STAG1: variants seen among roughly 807,000 people sequenced by gnomAD.
STAG1 encodes cohesin subunit SA-1.
In STAG1, 26 loss-of-function variants were observed where a neutral mutation model predicts 170.9. That is an observed-to-expected ratio of 0.15 (90% confidence interval 0.11 to 0.21). The LOEUF is 0.21. STAG1 is among the 10% of genes least tolerant of loss of function. The pLI, the probability that STAG1 is intolerant of heterozygous loss-of-function variation, is 1.00. For synonymous variants in STAG1, 514 were observed against 497.7 expected, an observed-to-expected ratio of 1.03 and a Z score of -0.44; for missense variants, 964 against 1,509.5, an observed-to-expected ratio of 0.64 and a Z score of 5.99.
Position 136,377,678 on chromosome 3 carries a change from A to G in STAG1, c.2352T>C (p.Asn784=). 6.2e-7 allele frequency: 1 copy of G among 1,613,870 alleles called. No individual in the cohort carries two copies. Among genetic ancestry groups the G allele is most frequent in the Non-Finnish European group, 8.5e-7 (1 of 1,179,882 alleles). Residue 784 remains asparagine, a synonymous_variant, in exon 23 of 34, where the codon AAT becomes AAC. Transcript: ENST00000383202. ...TTCTTACCTGTTCTTTCACTGGAGTATTAACATTAGACAGGCACTGCTGGC... is the reference window on the plus strand; with the variant it reads ...TTCTTACCTGTTCTTTCACTGGAGTGTTAACATTAGACAGGCACTGCTGGC... ...AVCQQCLSNV[N]TPVKEQAFML... is the part of the protein sequence containing the mutation.
chr3:136,526,375 T>G (rs1440253634), intron 6 of STAG1, among the ~76,000 whole-genome samples: 3 of 152,186 alleles, frequency 2.0e-5, no homozygotes, highest in Non-Finnish European at 4.4e-5. Context: ...CTTTCTATCT[T>G]TGTTGGTTTA....
rs542633809 is a variant in STAG1 at position 136,527,280 on chromosome 3, CTTTG to C, written c.472-5867_472-5864del. ...ACCATAGTCCCATATTTCTTGGAGG[CTTTG>C]TTTGTTTCTTTTTACTCTTTTTTCT... On this transcript the variant is annotated intron_variant, in intron 6 of 33. Coordinates refer to ENST00000383202, the MANE Select transcript of STAG1 (RefSeq NM_005862.3). Among the ~76,000 whole-genome samples, 63 of 152,304 alleles carry C rather than the reference CTTTG, an allele frequency of 4.1e-4. 1 individual carries two copies. The highest frequency in any genetic ancestry group is 3.1e-3 in the South Asian group (15 of 4,832).
intron 13 of STAG1, among the ~76,000 whole-genome samples, chr3:136,462,258 C>G (rs1000796954): frequency 6.6e-6 from 1 of 152,158 alleles, no homozygotes; most frequent in African/African-American, 2.4e-5. Context: ...TTTACTACAG[C>G]ACTATTCATA....
chr3:136,747,093 T>TAAAAAAAAAAAAAA (rs71134408), intron 1 of STAG1, among the ~76,000 whole-genome samples: 6 of 59,324 alleles, frequency 1.0e-4, no homozygotes, highest in Admixed American at 2.3e-4. Context: ...TGAAACTGTC[T>TAAAAAAAAAAAAAA]AAAAAAAAAA....
At chr3:136,364,429 G>C (rs189232634) in intron 25 of STAG1, among the ~76,000 whole-genome samples, 76 of 151,860 alleles carry the variant, frequency 5.0e-4, no homozygotes, top group African/African-American at 1.8e-3. Context: ...AAAGGTGACA[G>C]ATCAAGAAAT....
chr3:136,703,823 A>G (rs1943146606), intron 1 of STAG1, among the ~76,000 whole-genome samples: 1 of 151,944 alleles, frequency 6.6e-6, no homozygotes, highest in Non-Finnish European at 1.5e-5. Context: ...CAGCCTGGCC[A>G]ACATGGTGAA....
chr3:136,467,292 CAA>C (rs2089492044), intron 12 of STAG1, among the ~76,000 whole-genome samples: 1 of 151,700 alleles, frequency 6.6e-6, no homozygotes, highest in African/African-American at 2.4e-5. Flanking sequence ...CACATAGGCG[CAA>C]AATAAAGGGA....
intron 22 of STAG1, among the ~76,000 whole-genome samples, chr3:136,387,777 G>A (rs1017903547): frequency 3.3e-5 from 5 of 152,148 alleles, no homozygotes; most frequent in Admixed American, 3.3e-4. Context: ...TGCCTCAAAG[G>A]CTAATCCACT....
Position 136,628,522 on chromosome 3 carries a change from C to A in STAG1, c.29+2348G>T, listed in dbSNP as rs368041189. Reference sequence around the variant, plus strand: ...CTTCAAACATATCGCAGGGTCCTTGCATGACATAATCTCAGTCTGGGCCTA... The same window carrying A: ...CTTCAAACATATCGCAGGGTCCTTGAATGACATAATCTCAGTCTGGGCCTA... On this transcript the variant is annotated intron_variant, in intron 2 of 33. Transcript: ENST00000383202. Among the ~76,000 whole-genome samples the A allele has an allele frequency of 9.9e-5, 15 of 152,260 alleles. No homozygotes were observed. The South Asian group carries it at 3.1e-3, about 32-fold the overall frequency.
intron 22 of STAG1, among the ~76,000 whole-genome samples, chr3:136,390,381 C>A (rs2086975655): frequency 6.6e-6 from 1 of 152,112 alleles, no homozygotes. Flanking sequence ...ATTCCAGATT[C>A]TTTTAAATGA....
At chr3:136,437,396 A>T (rs1294414965) in intron 15 of STAG1, among the ~76,000 whole-genome samples, 2 of 152,352 alleles carry the variant, frequency 1.3e-5, no homozygotes, top group Admixed American at 1.3e-4. Flanking sequence ...AAAGCAAACA[A>T]GCCTTAAGCC....
intron 1 of STAG1, among the ~76,000 whole-genome samples, chr3:136,734,267 T>G (rs1934214070): frequency 6.6e-6 from 1 of 152,108 alleles, no homozygotes; most frequent in African/African-American, 2.4e-5. Flanking sequence ...CATGGTCAAC[T>G]AAGCTTCATG....
At chr3:136,622,546 T>A (rs750817460) in intron 3 of STAG1, among the ~76,000 whole-genome samples, 2 of 152,058 alleles carry the variant, frequency 1.3e-5, no homozygotes, top group Non-Finnish European at 2.9e-5. Context: ...GGCTAAGAGT[T>A]TCCATTAGAA....
chr3:136,422,605 A>C lies in STAG1; in HGVS notation c.1842T>G (p.Asp614Glu), dbSNP rs1278676150. 1 of 1,612,832 alleles carries C rather than the reference A, an allele frequency of 6.2e-7. No homozygotes were observed. Among genetic ancestry groups the C allele is most frequent in the South Asian group, 1.1e-5 (1 of 90,446 alleles). Residue 614 changes from aspartate (D) to glutamate (E), a missense_variant, in exon 19 of 34, where the codon GAT (aspartate) becomes GAG (glutamate). Around this residue, in one of 11 missense-constraint regions of STAG1, gnomAD observed 232 missense variants for 313.0 expected, o/e 0.74. Transcript: ENST00000383202. ...YSTGRMEKHL[D>E]ALLKQIKFVV... ...CAAACTTAATCTGTTTTAATAAAGC[A>C]TCCAGATGCTGAGGAGACAAAAAAA...
intron 5 of STAG1, among the ~76,000 whole-genome samples, chr3:136,563,272 C>A (rs1936915804): frequency 6.6e-6 from 1 of 152,090 alleles, no homozygotes; most frequent in Non-Finnish European, 1.5e-5. Flanking sequence ...TTACTGAGTT[C>A]CCAAGTTACG....
chr3:136,402,205 AT>A (rs1283881183), intron 21 of STAG1, among the ~76,000 whole-genome samples: 5 of 151,852 alleles, frequency 3.3e-5, no homozygotes, highest in Non-Finnish European at 5.9e-5. Flanking sequence ...AGCTGATTTT[AT>A]TTTTTTAATT....
chr3:136,583,691 A>C (rs1937662012), intron 4 of STAG1, among the ~76,000 whole-genome samples: 1 of 152,194 alleles, frequency 6.6e-6, no homozygotes, highest in Admixed American at 6.5e-5. Context: ...TGGGAGGCTG[A>C]GGCACAACAA....
Position 136,696,651 on chromosome 3 carries a change from T to C in STAG1, c.-84+55544A>G, listed in dbSNP as rs530433261. Among the ~76,000 whole-genome samples the C allele has an allele frequency of 6.6e-5, 10 of 152,324 alleles. 1 individual carries two copies. In the South Asian group the frequency reaches 2.1e-3, roughly 32 times the overall value. Reference sequence around the variant, plus strand: ...AGAGGGGTTTTTTGTGAACCCTCTATACTTACTGCTCAATTTTGCTGTAAA... The same window carrying C: ...AGAGGGGTTTTTTGTGAACCCTCTACACTTACTGCTCAATTTTGCTGTAAA... On this transcript the variant is annotated intron_variant, in intron 1 of 33. Coordinates refer to ENST00000383202, the MANE Select transcript of STAG1 (RefSeq NM_005862.3).
Position 136,465,244 on chromosome 3 carries a change from G to C in STAG1, c.1206-256C>G, listed in dbSNP as rs1482490563. ...CAGCTTTTTTTTTTTTTTTGAGACA[G>C]AGTCTTGCTCTGTCAACTAGGCTGG... On this transcript the variant is annotated intron_variant, in intron 12 of 33. Transcript: ENST00000383202. Among the ~76,000 whole-genome samples the C allele has an allele frequency of 3.9e-5, 5 of 129,770 alleles. No individual in the cohort carries two copies. The East Asian group carries it at 1.3e-3, about 34-fold the overall frequency. 85.1% of individuals were successfully genotyped at this position (129,770 alleles called of 152,430 possible). A position where few individuals can be genotyped will look rare whatever the true frequency, so the allele number is the denominator to read the frequency against.
Sources: allele counts gnomAD v4.1 joint callset (sites outside exome capture counted in the v4.1 genomes callset), GRCh38; gene constraint gnomAD v4.1.1; regional missense constraint gnomAD v4.1.1; transcripts MANE v1.5; gene names NCBI Gene and HGNC (gene_info 2026-07-23, HGNC 2026-07-21).